STAG3: variants seen among roughly 807,000 people sequenced by gnomAD.
STAG3 encodes the protein STAG3 cohesin complex component.
In STAG3, 101 loss-of-function variants were observed where a neutral mutation model predicts 160.7. The ratio of observed to expected loss-of-function variants is 0.63; its 90% CI spans 0.54 to 0.74. The LOEUF (loss-of-function observed/expected upper bound fraction) is 0.74, where lower values mean the gene tolerates loss of function less well. Among genes scored for constraint, STAG3 ranks in the 30% least tolerant of loss-of-function variants. The pLI, the probability that STAG3 is intolerant of heterozygous loss-of-function variation, is 0.00. For missense variants in STAG3, 1,188 were observed against 1,517.4 expected (o/e 0.78, Z 3.61); for synonymous variants, 519 against 585.0 (o/e 0.89, Z 1.63).
rs780998781 is a variant in STAG3, at chr7:100,198,183, G to A, written c.1244+17G>A. The stretch of plus-strand genomic sequence containing the variant: ...TATCCTTAAGTGAGTCCTGGGAAGA[G>A]GGGAGGCCAGTGTCTCAGACCTTTG... On this transcript the variant is annotated intron_variant, in intron 12 of 33. Transcript: ENST00000615138. The A allele has an allele frequency of 1.2e-6, 2 of 1,611,884 alleles. No homozygotes were observed. The highest frequency in any genetic ancestry group is 1.7e-5 in the Admixed American group (1 of 60,010).
intron 8 of STAG3, among the ~76,000 whole-genome samples, chr7:100,191,285 A>C (rs1291636585): frequency 6.6e-6 from 1 of 152,158 alleles, no homozygotes; most frequent in Non-Finnish European, 1.5e-5. Context: ...CTCAGTTGAG[A>C]ACCACTGATC....
chr7:100,209,333 G>T (rs895927781), intron 29 of STAG3, among the ~76,000 whole-genome samples: 2 of 152,160 alleles, frequency 1.3e-5, no homozygotes, highest in African/African-American at 4.8e-5. Context: ...TATCAGAATA[G>T]CATACCAAAG....
chr7:100,203,704 C>T (rs943592044), intron 25 of STAG3, among the ~76,000 whole-genome samples: 2 of 150,756 alleles, frequency 1.3e-5, no homozygotes, highest in Non-Finnish European at 3.0e-5. Flanking sequence ...TTAGTAGAGA[C>T]GGGGTTTCAC....
Position 100,201,863 on chromosome 7 carries a change from C to CCA in STAG3, c.2299_2300dup (p.Gln767HisfsTer8). The CCA allele has an allele frequency of 6.2e-7, 1 of 1,614,116 alleles. No individual in the cohort carries two copies. The highest frequency in any genetic ancestry group is 1.1e-5 in the South Asian group (1 of 91,078). Reference sequence around the variant, plus strand: ...CCCACATTTCTAAATCAGATGCTTCCCAGGTGAGTGTGGGTCTTAGATGGG... The same window carrying CCA: ...CCCACATTTCTAAATCAGATGCTTCCCACAGGTGAGTGTGGGTCTTAGATGGG... On this transcript the variant is annotated frameshift_variant, in exon 22 of 34. Transcript: ENST00000615138. LOFTEE classifies it high-confidence loss of function.
Position 100,211,471 on chromosome 7 carries a change from C to T in STAG3, c.3450C>T (p.Phe1150=), listed in dbSNP as rs758897741. ...TCGCAGGCACCGAGAGGTCAAGGTT[C>T]TTGGGTCCACAATATTTCCAGACTC... ...QPVAGTERSR[F]LGPQYFQTPH... Residue 1150 remains phenylalanine, a synonymous_variant, in exon 31 of 34, where the codon TTC becomes TTT. Coordinates refer to ENST00000615138, the MANE Select transcript of STAG3 (RefSeq NM_001282717.2). The T allele has an allele frequency of 6.2e-7, 1 of 1,614,022 alleles. No homozygotes were observed. The highest frequency in any genetic ancestry group is 8.5e-7 in the Non-Finnish European group (1 of 1,180,002).
chr7:100,197,956 C>G, intron 11 of STAG3, 80 bp downstream of exon 11: 1 of 1,504,504 alleles, frequency 6.6e-7, no homozygotes, highest in Non-Finnish European at 9.3e-7. Flanking sequence ...ACCCCTCATG[C>G]TCTAAGATGT....
At chr7:100,181,973 A>G in intron 2 of STAG3, 117 bp from the exon 3 acceptor site, 1 of 604,286 alleles carries the variant, frequency 1.7e-6, no homozygotes, top group East Asian at 2.9e-5. Context: ...TAAAATCTGG[A>G]TATGTTTTTC....
At chr7:100,202,098 G>T in intron 23 of STAG3, 57 bp downstream of exon 23, 2 of 1,610,256 alleles carry the variant, frequency 1.2e-6, no homozygotes, top group Non-Finnish European at 1.7e-6. Flanking sequence ...CCATTCCAAG[G>T]AGAAATTGAC....
Position 100,189,492 on chromosome 7 carries a change from G to A in STAG3, c.763G>A (p.Val255Met). The A allele has an allele frequency of 6.2e-7, 1 of 1,614,122 alleles. No homozygotes were observed. Among genetic ancestry groups the A allele is most frequent in the Non-Finnish European group, 8.5e-7 (1 of 1,180,036 alleles). The change falls in exon 8 of 34, where the codon GTG becomes ATG. Residue 255 changes from valine to methionine, a missense_variant. Around this residue, in one of 4 missense-constraint regions of STAG3, gnomAD observed 296 missense variants for 404.0 expected, o/e 0.73. Transcript: ENST00000615138. ...GGTAAAAGTTGCCCTCCAACTGAGT[G>A]TGCACCAAGATAACAATCAGCGTCA... ...SLVKVALQLS[V>M]HQDNNQRQYE...
Position 100,189,514 on chromosome 7 carries a change from G to T in STAG3, c.785G>T (p.Arg262Leu), listed in dbSNP as rs369812552. The T allele has an allele frequency of 2.0e-5, 33 of 1,613,988 alleles. No individual in the cohort carries two copies. The highest frequency in any genetic ancestry group is 2.8e-5 in the Non-Finnish European group (33 of 1,180,002). ...QLSVHQDNNQ[R>L]QYEAERNKGP... is the part of the protein sequence containing the mutation. ...AGTGTGCACCAAGATAACAATCAGC[G>T]TCAGTATGAGGCTGAAAGAAACAAG... The change falls in exon 8 of 34, where the codon CGT (arginine) becomes CTT (leucine). Residue 262 changes from arginine (R) to leucine (L), a missense_variant. This residue lies in a region of STAG3 where 296 missense variants were observed against 404.0 expected (regional missense o/e 0.73). Coordinates refer to ENST00000615138, the MANE Select transcript of STAG3 (RefSeq NM_001282717.2).
chr7:100,213,296 A>C, intron 32 of STAG3: 1 of 985,118 alleles, frequency 1.0e-6, no homozygotes, highest in Non-Finnish European at 1.2e-6. Context: ...AGGGGGACAC[A>C]GATATTCAGT....
chr7:100,189,437 T>A lies in STAG3; in HGVS notation c.716-8T>A. Reference sequence around the variant, plus strand: ...ATGATTTCTTTATCTCTTTTTCCTTTCTCAAAGCTATGAAACTGATGACCT... The same window carrying A: ...ATGATTTCTTTATCTCTTTTTCCTTACTCAAAGCTATGAAACTGATGACCT... On this transcript the variant is annotated splice_polypyrimidine_tract_variant and splice_region_variant and intron_variant, in intron 7 of 33. Coordinates refer to ENST00000615138, the MANE Select transcript of STAG3 (RefSeq NM_001282717.2). The A allele has an allele frequency of 6.2e-7, 1 of 1,609,338 alleles. No homozygotes were observed. Among genetic ancestry groups the A allele is most frequent in the Non-Finnish European group, 8.5e-7 (1 of 1,178,614 alleles).
chr7:100,187,757 AT>A (rs1455519289), intron 5 of STAG3, among the ~76,000 whole-genome samples: 2 of 143,856 alleles, frequency 1.4e-5, no homozygotes, highest in East Asian at 4.0e-4. Context: ...GCCCTGCATC[AT>A]CTTTTTTTTT....
Position 100,211,513 on chromosome 7 carries a change from TCC to T in STAG3, c.3493_3494del (p.Pro1165TrpfsTer25), listed in dbSNP as rs1301923864. On this transcript the variant is annotated frameshift_variant, in exon 31 of 34. Coordinates refer to ENST00000615138, the MANE Select transcript of STAG3 (RefSeq NM_001282717.2). LOFTEE classifies it high-confidence loss of function. ...TCCAGACTCCACACAACCCTTCAGGTCCTGGCCTGGGCAACCAGCTGATGCGG... is the reference window on the plus strand; with the variant it reads ...TCCAGACTCCACACAACCCTTCAGGTTGGCCTGGGCAACCAGCTGATGCGG... ...YFQTPHNPSG[P>X]GLGNQLMRLS... 6.2e-7 allele frequency: 1 copy of T among 1,613,702 alleles called. No homozygotes were observed.
chr7:100,214,030 C>T lies in STAG3; in HGVS notation c.*15C>T, dbSNP rs1156236487. ...AGGATTTCTGACAGGACTCTGGGCC[C>T]CTCCCCAGCTCCACTCCCTACCTCA... On this transcript the variant is annotated 3_prime_UTR_variant, in exon 34 of 34. Coordinates refer to ENST00000615138, the MANE Select transcript of STAG3 (RefSeq NM_001282717.2). 8.7e-6 allele frequency: 14 copies of T among 1,613,918 alleles called. No homozygotes were observed. The highest frequency in any genetic ancestry group is 1.3e-5 in the African/African-American group (1 of 74,886).
chr7:100,218,258 A>G (rs987828736), downstream of STAG3: 3 of 149,852 alleles, frequency 2.0e-5, no homozygotes, highest in South Asian at 1.7e-4. Flanking sequence ...TTCCTAGGTT[A>G]TAATTGTAGA....
chr7:100,213,306 T>C, intron 32 of STAG3: 1 of 984,998 alleles, frequency 1.0e-6, no homozygotes, highest in South Asian at 4.7e-5. Flanking sequence ...AGATATTCAG[T>C]CCATTACAGG....
At chr7:100,217,932 C>T (rs973263228), downstream of STAG3, among the ~76,000 whole-genome samples, 3 of 151,036 alleles carry the variant, frequency 2.0e-5, no homozygotes, top group Non-Finnish European at 4.4e-5. Flanking sequence ...GGTTAGGCCT[C>T]CGGATGGCTG....
rs1322691791 is a variant in STAG3, at chr7:100,186,217, G to C, written c.354G>C (p.Trp118Cys). The change falls in exon 5 of 34, where the codon TGG (tryptophan) becomes TGC (cysteine). Residue 118 changes from tryptophan to cysteine, a missense_variant. Around this residue, in one of 4 missense-constraint regions of STAG3, gnomAD observed 296 missense variants for 404.0 expected, o/e 0.73. Transcript: ENST00000615138. Reference sequence around the variant, plus strand: ...TTCCCTAGTCTTTGGTAGATGAGTGGCTGGATAGCTACAAGCAAGACCAGG... The same window carrying C: ...TTCCCTAGTCTTTGGTAGATGAGTGCCTGGATAGCTACAAGCAAGACCAGG... Reference protein sequence around the residue: ...KSDMQSLVDEWLDSYKQDQDA... With the variant: ...KSDMQSLVDECLDSYKQDQDA... The C allele has an allele frequency of 3.7e-6, 6 of 1,613,930 alleles. No individual in the cohort carries two copies. Among genetic ancestry groups the C allele is most frequent in the African/African-American group, 1.3e-5 (1 of 74,898 alleles).
Sources: allele counts gnomAD v4.1 joint callset (sites outside exome capture counted in the v4.1 genomes callset), GRCh38; gene constraint gnomAD v4.1.1; regional missense constraint gnomAD v4.1.1; transcripts MANE v1.5; gene names NCBI Gene and HGNC (gene_info 2026-07-23, HGNC 2026-07-21).